Variants in PCDHA10 observed in about 807,000 individuals in gnomAD.
PCDHA10 encodes protocadherin alpha 10.
Under a neutral mutation model 61.2 loss-of-function variants are expected in PCDHA10, and 45 were observed. That is an observed-to-expected ratio of 0.74 (90% CI 0.58 to 0.94). PCDHA10 has a LOEUF of 0.94. Ranked by LOEUF, PCDHA10 falls within the 40% of genes least tolerant of loss-of-function variation. The pLI, the probability that PCDHA10 is intolerant of heterozygous loss-of-function variation, is 0.00. For synonymous variants in PCDHA10, 602 were observed against 548.8 expected, an observed-to-expected ratio of 1.10 and a Z score of -1.35; for missense variants, 1,278 against 1,236.2, an observed-to-expected ratio of 1.03 and a Z score of -0.51.
At chr5:140,872,512 A>T (rs2053716713) in intron 1 of PCDHA10, among the ~76,000 whole-genome samples, 1 of 152,126 alleles carries the variant, frequency 6.6e-6, no homozygotes, top group Admixed American at 6.5e-5. Context: ...CTGTAGTCCC[A>T]GTTTCTTGGG....
intron 1 of PCDHA10, among the ~76,000 whole-genome samples, chr5:140,948,711 C>CT (rs1443735728): frequency 6.8e-6 from 1 of 147,398 alleles, no homozygotes; most frequent in African/African-American, 2.7e-5. Context: ...GTTCTATCCT[C>CT]TTTTTTATCA....
chr5:140,985,590 T>C (rs1049609959), intron 3 of PCDHA10, among the ~76,000 whole-genome samples: 5 of 152,166 alleles, frequency 3.3e-5, no homozygotes, highest in African/African-American at 1.2e-4. Flanking sequence ...TCCTTATACT[T>C]GCTTCAGAGC....
chr5:140,939,886 T>C (rs1165679302), intron 1 of PCDHA10, among the ~76,000 whole-genome samples: 1 of 152,242 alleles, frequency 6.6e-6, no homozygotes, highest in Non-Finnish European at 1.5e-5. Flanking sequence ...AGTTGTGTTG[T>C]TCAAATATTC....
intron 1 of PCDHA10, chr5:140,861,443 C>T (rs782609099): frequency 4.1e-6 from 2 of 493,194 alleles, no homozygotes; most frequent in Non-Finnish European, 8.3e-6. Context: ...CCAAAAGCCG[C>T]AGAAACCTTC....
rs534595431 is a variant in PCDHA10 at position 140,908,278 on chromosome 5, TG to T, written c.2388+49843del. On this transcript the variant is annotated intron_variant, in intron 1 of 3. Coordinates refer to ENST00000307360, the MANE Select transcript of PCDHA10 (RefSeq NM_018901.4). Reference sequence around the variant, plus strand: ...CATAGGGAACTCCCCATGAGGCCATTGTTGCAAGCTGGGGAAGAGAAGGAAG... The same window carrying T: ...CATAGGGAACTCCCCATGAGGCCATTTTGCAAGCTGGGGAAGAGAAGGAAG... Among the ~76,000 whole-genome samples the T allele has an allele frequency of 1.3e-3, 196 of 152,290 alleles. 1 individual carries two copies. Among genetic ancestry groups the T allele is most frequent in the African/African-American group, 4.6e-3 (191 of 41,570 alleles).
At chr5:140,907,752 T>C (rs1255877387) in intron 1 of PCDHA10, among the ~76,000 whole-genome samples, 5 of 152,190 alleles carry the variant, frequency 3.3e-5, no homozygotes, top group African/African-American at 1.2e-4. Flanking sequence ...ACTTTGTTCA[T>C]GGGCCCATTG....
At chr5:140,873,823 G>T (rs2054513552) in intron 1 of PCDHA10, among the ~76,000 whole-genome samples, 1 of 152,076 alleles carries the variant, frequency 6.6e-6, no homozygotes, top group Non-Finnish European at 1.5e-5. Context: ...ACCACTCCTG[G>T]CTAATTTTTG....
intron 1 of PCDHA10, among the ~76,000 whole-genome samples, chr5:140,961,425 T>G (rs2095610907): frequency 6.6e-6 from 1 of 152,226 alleles, no homozygotes; most frequent in Admixed American, 6.5e-5. Context: ...TTTAAACAAT[T>G]ACAAAATCAC....
intron 3 of PCDHA10, among the ~76,000 whole-genome samples, chr5:140,999,423 C>G (rs1159862736): frequency 6.6e-6 from 1 of 152,100 alleles, no homozygotes; most frequent in Non-Finnish European, 1.5e-5. Context: ...AGCTAAGAGG[C>G]CAAGTACCTT....
intron 1 of PCDHA10, chr5:140,862,219 T>C: frequency 4.8e-6 from 1 of 206,310 alleles, no homozygotes; most frequent in Non-Finnish European, 9.9e-6. Flanking sequence ...ACAGACTTGA[T>C]AGAAGTCTTG....
intron 1 of PCDHA10, among the ~76,000 whole-genome samples, chr5:140,939,041 T>G (rs2092303651): frequency 6.6e-6 from 1 of 152,222 alleles, no homozygotes; most frequent in Admixed American, 6.5e-5. Context: ...AAGAGTTGTC[T>G]TAGTCCATTT....
intron 1 of PCDHA10, chr5:140,882,664 A>AT (rs782651285): frequency 6.2e-7 from 1 of 1,614,046 alleles, no homozygotes; most frequent in Admixed American, 1.7e-5. Flanking sequence ...ACCCGCCCAT[A>AT]TTCCCTGAAA....
At chr5:140,892,623 C>T (rs2153438758) in intron 1 of PCDHA10, among the ~76,000 whole-genome samples, 1 of 152,114 alleles carries the variant, frequency 6.6e-6, no homozygotes, top group East Asian at 1.9e-4. Flanking sequence ...CCAGTTGGTA[C>T]ATAATAATTG....
At chr5:140,882,776 T>C in intron 1 of PCDHA10, 2 of 1,614,252 alleles carry the variant, frequency 1.2e-6, no homozygotes, top group Non-Finnish European at 1.7e-6. Context: ...GGCATTGACC[T>C]ACCGACTGGA....
At chr5:140,937,982 A>G (rs1227498616) in intron 1 of PCDHA10, among the ~76,000 whole-genome samples, 1 of 151,926 alleles carries the variant, frequency 6.6e-6, no homozygotes, top group Non-Finnish European at 1.5e-5. Flanking sequence ...TACTGATTTT[A>G]TGTTAACTTT....
At chr5:140,988,860 T>C (rs1270376752) in intron 3 of PCDHA10, 2 of 152,204 alleles carry the variant, frequency 1.3e-5, no homozygotes, top group South Asian at 2.1e-4. Flanking sequence ...TCCAGTCTCA[T>C]GTGCACTCAG....
At chr5:140,946,019 C>T (rs1014072062) in intron 1 of PCDHA10, among the ~76,000 whole-genome samples, 2 of 151,732 alleles carry the variant, frequency 1.3e-5, no homozygotes, top group African/African-American at 2.4e-5. Context: ...TCCTGCGCAG[C>T]AAAGAAAACA....
intron 1 of PCDHA10, among the ~76,000 whole-genome samples, chr5:140,897,257 T>C (rs1554187284): frequency 6.6e-6 from 1 of 151,916 alleles, no homozygotes; most frequent in Non-Finnish European, 1.5e-5. Context: ...TATGTATACA[T>C]GTGCCATGCT....
intron 1 of PCDHA10, among the ~76,000 whole-genome samples, chr5:140,899,477 A>G (rs1309385245): frequency 3.3e-5 from 5 of 152,210 alleles, no homozygotes; most frequent in Non-Finnish European, 5.9e-5. Context: ...GGTTCTGTTT[A>G]TATGCTGGAT....
Sources: allele counts gnomAD v4.1 joint callset (sites outside exome capture counted in the v4.1 genomes callset), GRCh38; gene constraint gnomAD v4.1.1; transcripts MANE v1.5; gene names NCBI Gene and HGNC (gene_info 2026-07-23, HGNC 2026-07-21).